NCOR2: variants seen among roughly 807,000 people sequenced by gnomAD.
NCOR2 encodes CTG repeat protein 26.
A neutral mutation model predicts 262.9 loss-of-function variants in NCOR2; 81 were observed. That is an observed-to-expected ratio of 0.31 (90% CI 0.26 to 0.37). The LOEUF (loss-of-function observed/expected upper bound fraction) is 0.37. Among genes scored for constraint, NCOR2 ranks in the 10% least tolerant of loss-of-function variants. The pLI, the probability that NCOR2 is intolerant of heterozygous loss-of-function variation, is 1.00. For synonymous variants in NCOR2, 1,659 were observed against 1,559.3 expected, an observed-to-expected ratio of 1.06 and a Z score of -1.51; for missense variants, 3,385 against 3,621.4, an observed-to-expected ratio of 0.93 and a Z score of 1.68.
intron 1 of NCOR2, among the ~76,000 whole-genome samples, chr12:124,505,789 G>A (rs541926330): frequency 6.6e-6 from 1 of 152,294 alleles, no homozygotes; most frequent in African/African-American, 2.4e-5. Context: ...GGGAGGTGAT[G>A]GCGATGATGT....
chr12:124,393,028 GAATGGTGTGAC>G (rs2136158020), intron 16 of NCOR2, among the ~76,000 whole-genome samples: 1 of 152,228 alleles, frequency 6.6e-6, no homozygotes, highest in East Asian at 1.9e-4. Context: ...TCCCGGTCTA[GAATGGTGTGAC>G]AATGGTGTGA....
At chr12:124,341,935 C>T (rs770597854) in exon 34 of NCOR2, 48 of 1,613,032 alleles carry the variant, frequency 3.0e-5, no homozygotes, top group Non-Finnish European at 3.8e-5. Flanking sequence ...GCATCTGCTG[C>T]GAGGTGATGT....
intron 7 of NCOR2, among the ~76,000 whole-genome samples, chr12:124,439,372 C>G (rs377325192): frequency 0.021 from 10 of 476 alleles, no homozygotes; most frequent in African/African-American, 0.033. Flanking sequence ...GACCCGGAGA[C>G]AGAGGGAGAC....
intron 1 of NCOR2, among the ~76,000 whole-genome samples, chr12:124,501,884 A>G (rs1392859304): frequency 6.6e-6 from 1 of 152,208 alleles, no homozygotes. Context: ...AATATTTACT[A>G]AACAAAACCA....
At chr12:124,543,238 T>G (rs2051431785) in intron 1 of NCOR2, among the ~76,000 whole-genome samples, 1 of 152,164 alleles carries the variant, frequency 6.6e-6, no homozygotes, top group South Asian at 2.1e-4. Context: ...CCCCGTGCCC[T>G]GCCCAGGAAC....
chr12:124,402,521 T>A, exon 14 of NCOR2: 1 of 1,539,578 alleles, frequency 6.5e-7, no homozygotes, highest in East Asian at 2.9e-5. Flanking sequence ...GGGCTGCTGC[T>A]GCTGCTGCTG....
chr12:124,353,257 G>A lies in NCOR2; in HGVS notation c.3693+836C>T, dbSNP rs369965027. ...GTTAGCAAAGGGGAAACGGAGTCAG[G>A]GCAGGCCGCTGCCTGTCTGAGTAGG... On this transcript the variant is annotated intron_variant, in intron 27 of 46. Coordinates refer to ENST00000405201, the Ensembl canonical transcript of NCOR2. Among the ~76,000 whole-genome samples, 25 of 152,370 alleles carry A rather than the reference G, an allele frequency of 1.6e-4. 1 individual carries two copies. In the East Asian group the frequency reaches 4.6e-3, roughly 28 times the overall value.
chr12:124,339,900 C>CCCCCACCTCCCATAT, intron 37 of NCOR2, 106 bp downstream of exon 39: 2 of 659,508 alleles, frequency 3.0e-6, no homozygotes, highest in Non-Finnish European at 4.9e-6. Flanking sequence ...TCTGCCCACC[C>CCCCCACCTCCCATAT]ACCCACCTCC....
At chr12:124,491,164 A>G (rs1407183512) in intron 1 of NCOR2, among the ~76,000 whole-genome samples, 2 of 80,368 alleles carry the variant, frequency 2.5e-5, no homozygotes, top group Non-Finnish European at 4.5e-5. Context: ...ATATTTACAG[A>G]GAAGGTTGTG....
rs756304172 is a variant in NCOR2 at position 124,336,845 on chromosome 12, G to A, written c.6023C>T (p.Pro2008Leu). ...CGAGGCCGAGGCAGGTGGCGCCGGC[G>A]GGTCCGGGCTGGCGTGGTGAGGTGC... The change falls in exon 38 of 47, where the codon CCG (proline) becomes CTG (leucine). Residue 2008 changes from proline (P) to leucine (L), a missense_variant. This residue lies in a region of NCOR2 where 1,017 missense variants were observed against 967.2 expected (regional missense o/e 1.05). Coordinates refer to ENST00000405201, the Ensembl canonical transcript of NCOR2. The A allele has an allele frequency of 2.7e-5, 43 of 1,612,432 alleles. No homozygotes were observed. The Middle Eastern group carries it at 5.0e-4, about 19-fold the overall frequency.
intron 13 of NCOR2, among the ~76,000 whole-genome samples, chr12:124,405,539 GT>G (rs1023874659): frequency 6.6e-6 from 1 of 152,248 alleles, no homozygotes; most frequent in Admixed American, 6.5e-5. Context: ...AGTGAGTCCG[GT>G]GGGGGAAGAT....
At chr12:124,339,603 CTGA>C in intron 37 of NCOR2, among the ~76,000 whole-genome samples, 6 of 92,346 alleles carry the variant, frequency 6.5e-5, no homozygotes, top group Non-Finnish European at 1.2e-4. Flanking sequence ...TATCCTCCCA[CTGA>C]CCCACCTACC....
At chr12:124,329,075 G>C (rs200475420) in intron 44 of NCOR2, 1 of 469,214 alleles carries the variant, frequency 2.1e-6, no homozygotes, top group South Asian at 1.6e-5. Context: ...CAGGCTTAAC[G>C]ATCTCCATTT....
upstream of NCOR2, among the ~76,000 whole-genome samples, chr12:124,499,856 C>T (rs2048599903): frequency 6.6e-6 from 1 of 152,012 alleles, no homozygotes; most frequent in Non-Finnish European, 1.5e-5. Context: ...ATCAGGGAGA[C>T]CTGGGGAGGC....
intron 13 of NCOR2, among the ~76,000 whole-genome samples, chr12:124,415,567 C>T (rs1046515657): frequency 1.3e-5 from 2 of 152,218 alleles, no homozygotes; most frequent in African/African-American, 2.4e-5. Flanking sequence ...GCAGCTGATC[C>T]GAGGAAGGGG....
At chr12:124,441,057 G>T (rs1401754167) in intron 7 of NCOR2, among the ~76,000 whole-genome samples, 1 of 152,130 alleles carries the variant, frequency 6.6e-6, no homozygotes, top group Non-Finnish European at 1.5e-5. Context: ...CATGGCAAAG[G>T]GTTTGGTCTT....
chr12:124,442,979 A>G (rs150242354), intron 7 of NCOR2, among the ~76,000 whole-genome samples: 134 of 152,346 alleles, frequency 8.8e-4, no homozygotes, highest in Middle Eastern at 3.4e-3. Flanking sequence ...AACGCCAAGG[A>G]GGCCGGCAGC....
At chr12:124,333,155 G>T in exon 42 of NCOR2, 1 of 1,610,504 alleles carries the variant, frequency 6.2e-7, no homozygotes, top group Non-Finnish European at 8.5e-7. Context: ...TCCCCATCCC[G>T]GTACAGCAGC....
intron 15 of NCOR2, 49 bp from the exon 18 acceptor site, chr12:124,398,230 T>G: frequency 1.9e-6 from 3 of 1,598,086 alleles, no homozygotes; most frequent in Non-Finnish European, 2.6e-6. Flanking sequence ...GAGGAGGCAC[T>G]TTGCCTTCTG....
Sources: gnomAD v4.1 joint callset for allele counts (sites outside exome capture counted in the v4.1 genomes callset) on GRCh38, gnomAD v4.1.1 for gene constraint, gnomAD v4.1.1 regional missense constraint, MANE v1.5 for transcripts, NCBI Gene and HGNC (gene_info 2026-07-23, HGNC 2026-07-21) for gene names.